TFDP2: variants seen among roughly 807,000 people sequenced by gnomAD.
TFDP2 encodes transcription factor Dp-2.
Under a neutral mutation model 59.3 loss-of-function variants are expected in TFDP2, and 17 were observed. That is an observed-to-expected ratio of 0.29 (90% CI 0.20 to 0.43). TFDP2 has a LOEUF of 0.43. TFDP2 is among the 20% of genes least tolerant of loss of function. The pLI is 1.00. For synonymous variants in TFDP2, 180 were observed against 194.7 expected (o/e 0.92, Z 0.63); for missense variants, 391 against 528.8 (o/e 0.74, Z 2.56).
intron 11 of TFDP2, among the ~76,000 whole-genome samples, chr3:141,953,460 C>T (rs1042283846): frequency 1.4e-4 from 22 of 152,058 alleles, no homozygotes; most frequent in African/African-American, 4.8e-4. Context: ...GAAGGCCACC[C>T]TGCTTAGAGG....
chr3:142,145,951 T>C (rs2063157660), intron 1 of TFDP2, among the ~76,000 whole-genome samples: 1 of 152,198 alleles, frequency 6.6e-6, no homozygotes, highest in Non-Finnish European at 1.5e-5. Flanking sequence ...GCTGAATTTC[T>C]AATTGGGTGA....
Position 142,030,240 on chromosome 3 carries a change from G to C in TFDP2, c.83-24696C>G, listed in dbSNP as rs187767843. Reference sequence around the variant, plus strand: ...TAAACTGGGTTGTAAACACGTGTTAGTATAAACAAAACTGAAAATACAACC... The same window carrying C: ...TAAACTGGGTTGTAAACACGTGTTACTATAAACAAAACTGAAAATACAACC... On this transcript the variant is annotated intron_variant, in intron 3 of 12. Coordinates refer to ENST00000489671, the MANE Select transcript of TFDP2 (RefSeq NM_001178139.2). Among the ~76,000 whole-genome samples the C allele has an allele frequency of 4.4e-4, 67 of 152,306 alleles. No individual in the cohort carries two copies. The Middle Eastern group carries it at 0.01, about 23-fold the overall frequency.
intron 6 of TFDP2, among the ~76,000 whole-genome samples, chr3:141,982,848 G>A (rs1395421163): frequency 6.6e-6 from 1 of 152,146 alleles, no homozygotes; most frequent in East Asian, 1.9e-4. Context: ...TAATAAACTT[G>A]AAGAAAACTT....
At chr3:142,056,915 A>G (rs886828453) in intron 3 of TFDP2, among the ~76,000 whole-genome samples, 5 of 152,216 alleles carry the variant, frequency 3.3e-5, no homozygotes, top group African/African-American at 1.2e-4. Context: ...ATACCTACGT[A>G]AGCCACTCCC....
chr3:142,054,104 T>C (rs1414797246), intron 3 of TFDP2: 3 of 152,244 alleles, frequency 2.0e-5, no homozygotes, highest in Admixed American at 2.0e-4. Context: ...TAAAGTTAAA[T>C]ATACACTTAC....
At chr3:141,996,540 C>T (rs1390581134) in intron 4 of TFDP2, among the ~76,000 whole-genome samples, 2 of 152,198 alleles carry the variant, frequency 1.3e-5, no homozygotes, top group African/African-American at 4.8e-5. Flanking sequence ...TAATTTTTAT[C>T]TCCCTGACCA....
At chr3:142,025,658 T>C (rs1324662610) in intron 3 of TFDP2, among the ~76,000 whole-genome samples, 1 of 152,238 alleles carries the variant, frequency 6.6e-6, no homozygotes, top group Non-Finnish European at 1.5e-5. Flanking sequence ...ATCTATAGTT[T>C]GTAAATCCAT....
At chr3:142,004,931 G>A (rs547206957) in intron 4 of TFDP2, among the ~76,000 whole-genome samples, 1 of 152,322 alleles carries the variant, frequency 6.6e-6, no homozygotes, top group South Asian at 2.1e-4. Context: ...TCAAATATGT[G>A]AAAATTAAAT....
intron 1 of TFDP2, among the ~76,000 whole-genome samples, chr3:142,105,320 C>A (rs1005998578): frequency 6.6e-6 from 1 of 152,134 alleles, no homozygotes; most frequent in African/African-American, 2.4e-5. Context: ...GGCAATGTGC[C>A]CCCAACTACA....
chr3:142,034,090 C>CTTTTTT (rs34769821), intron 3 of TFDP2, among the ~76,000 whole-genome samples: 7 of 93,792 alleles, frequency 7.5e-5, no homozygotes, highest in Non-Finnish European at 1.5e-4. Context: ...TTTGCACCAA[C>CTTTTTT]TTTTTTTTTT....
chr3:142,001,194 T>C (rs987816822), intron 4 of TFDP2, among the ~76,000 whole-genome samples: 5 of 152,318 alleles, frequency 3.3e-5, no homozygotes, highest in African/African-American at 1.2e-4. Flanking sequence ...GTGGAAGTTA[T>C]CATACCCCGC....
intron 3 of TFDP2, among the ~76,000 whole-genome samples, chr3:142,017,938 T>TTTTATTTA (rs374321449): frequency 2.6e-5 from 4 of 151,294 alleles, no homozygotes; most frequent in Admixed American, 2.6e-4. Context: ...TGCCTCAATA[T>TTTTATTTA]TTTATTTATT....
At chr3:142,078,773 A>G (rs1470427054) in intron 3 of TFDP2, among the ~76,000 whole-genome samples, 1 of 152,200 alleles carries the variant, frequency 6.6e-6, no homozygotes, top group East Asian at 1.9e-4. Context: ...AAGACCATCC[A>G]GGAAAACAAT....
At chr3:142,031,322 G>C (rs1281378233) in intron 3 of TFDP2, among the ~76,000 whole-genome samples, 2 of 152,076 alleles carry the variant, frequency 1.3e-5, no homozygotes, top group African/African-American at 2.4e-5. Flanking sequence ...GCACTGAGCT[G>C]GGCAACAAAT....
intron 3 of TFDP2, among the ~76,000 whole-genome samples, chr3:142,039,970 T>C (rs1254758440): frequency 2.0e-5 from 3 of 152,188 alleles, no homozygotes; most frequent in Non-Finnish European, 2.9e-5. Context: ...CCAGACTAGG[T>C]TGACTCAATG....
rs1243209182 is a variant in TFDP2 at position 141,968,423 on chromosome 3, C to CATATA, written c.732+1649_732+1650insTATAT. Among the ~76,000 whole-genome samples the CATATA allele has an allele frequency of 2.6e-4, 23 of 87,936 alleles. 1 individual carries two copies. The highest frequency in any genetic ancestry group is 1.1e-3 in the African/African-American group (19 of 17,912). The allele number at this position is 87,936 out of a possible 152,430, so 57.7% of individuals were successfully genotyped here. A position where few individuals can be genotyped will look rare whatever the true frequency, so the allele number is the denominator to read the frequency against. ...TATATCATATATATAACATATATAT[C>CATATA]TCATATATAGATATATATAACATAT... On this transcript the variant is annotated intron_variant, in intron 9 of 12. Transcript: ENST00000489671.
intron 1 of TFDP2, among the ~76,000 whole-genome samples, chr3:142,108,426 T>A (rs2061549801): frequency 1.3e-5 from 2 of 152,050 alleles, no homozygotes. Context: ...GCCAGGCTGG[T>A]TTCAAACTCC....
rs569707942 is a variant in TFDP2 at position 142,117,798 on chromosome 3, A to G, written c.-92-15957T>C. Among the ~76,000 whole-genome samples, 4 of 152,120 alleles carry G rather than the reference A, an allele frequency of 2.6e-5. No individual in the cohort carries two copies. The East Asian group carries it at 5.8e-4, about 22-fold the overall frequency. Reference sequence around the variant, plus strand: ...AGGTAATGAATGAAAAAAACAGGCGATAAGAGGAGGAAATTAGGCCAGGCA... The same window carrying G: ...AGGTAATGAATGAAAAAAACAGGCGGTAAGAGGAGGAAATTAGGCCAGGCA... On this transcript the variant is annotated intron_variant, in intron 1 of 12. Transcript: ENST00000489671.
At position 142,039,300 on chromosome 3, in the gene TFDP2, C is replaced by T. The variant is rs190859299; in HGVS notation, c.83-33756G>A. On this transcript the variant is annotated intron_variant, in intron 3 of 12. Transcript: ENST00000489671. ...TTTTTTTATTTGTATTGCATTTAGT[C>T]ATCATGTTTCCTTAGTCTCCTCTGG... 2.6e-5 allele frequency among the ~76,000 whole-genome samples: 4 copies of T among 152,158 alleles called. No homozygotes were observed. The East Asian group carries it at 7.7e-4, about 29-fold the overall frequency.
Sources: gnomAD v4.1 joint callset for allele counts (sites outside exome capture counted in the v4.1 genomes callset) on GRCh38, gnomAD v4.1.1 for gene constraint, MANE v1.5 for transcripts, NCBI Gene and HGNC (gene_info 2026-07-23, HGNC 2026-07-21) for gene names.